The following SNU13 variants were observed in gnomAD, a reference collection of about 807,000 sequenced individuals.
SNU13 encodes NHP2-like protein 1.
In SNU13, 2 loss-of-function variants were observed where a neutral mutation model predicts 12.4. The observed-to-expected ratio is 0.16, with a 90% CI of 0.07 to 0.51. The LOEUF is 0.51. Ranked by LOEUF, SNU13 falls within the 20% of genes least tolerant of loss-of-function variation. The probability of loss-of-function intolerance (pLI) is 0.96; values close to 1 mark genes in which losing one functional copy is unlikely to be tolerated. For synonymous variants in SNU13, 68 were observed against 66.5 expected (o/e 1.02, Z -0.11); for missense variants, 66 against 157.8 (o/e 0.42, Z 3.12).
In SNU13 at chr22:41,688,817, A is replaced by AGCACTCCTAGGG. The variant is rs748215313; in HGVS notation, c.-33_-22dup. 1.9e-6 allele frequency: 3 copies of AGCACTCCTAGGG among 1,599,600 alleles called. No homozygotes were observed. In the South Asian group the frequency reaches 3.3e-5, roughly 18 times the overall value. On this transcript the variant is annotated 5_prime_UTR_variant, in exon 1 of 3. Coordinates refer to ENST00000401959, the MANE Select transcript of SNU13 (RefSeq NM_001003796.2). ...ACCATGGCTGCGGTTCCGCGGGCTC[A>AGCACTCCTAGGG]GCACTCCTAGGGGAGCGCAGCTGAC...
chr22:41,687,777 A>AC (rs1395460169), intron 1 of SNU13: 1 of 152,212 alleles, frequency 6.6e-6, no homozygotes, highest in Non-Finnish European at 1.5e-5. Flanking sequence ...TTTGATCCTC[A>AC]CAACACCCTC....
intron 1 of SNU13, among the ~76,000 whole-genome samples, chr22:41,683,570 T>G (rs1386473559): frequency 6.6e-6 from 1 of 152,190 alleles, no homozygotes; most frequent in Non-Finnish European, 1.5e-5. Context: ...CTTTCACTAT[T>G]ATGTAAATGC....
At chr22:41,678,361 G>A (rs1461210878) in intron 2 of SNU13, among the ~76,000 whole-genome samples, 1 of 152,140 alleles carries the variant, frequency 6.6e-6, no homozygotes, top group Admixed American at 6.6e-5. Context: ...ACTTCATTTT[G>A]TTCACCAGTG....
chr22:41,682,374 A>G (rs771119070), intron 1 of SNU13: 1 of 1,614,052 alleles, frequency 6.2e-7, no homozygotes, highest in Non-Finnish European at 8.5e-7. Context: ...CTGTCTTGGT[A>G]GTCTCTTGCC....
rs2068202890 is a variant in SNU13 at position 41,675,345 on chromosome 22, C to T, written c.125-150G>A. On this transcript the variant is annotated intron_variant, in intron 2 of 2. Coordinates refer to ENST00000401959, the MANE Select transcript of SNU13 (RefSeq NM_001003796.2). ...AGGATTCAAACACCAGTCAGTCATA[C>T]ACAATGGCATTTTCTCAAGCCCTAC... The T allele has an allele frequency of 3.2e-6, 3 of 950,846 alleles. No individual in the cohort carries two copies. The South Asian group carries it at 4.8e-5, about 15-fold the overall frequency. The allele number at this position is 950,846 out of a possible 1,614,324, so 58.9% of individuals were successfully genotyped here.
intron 2 of SNU13, among the ~76,000 whole-genome samples, chr22:41,676,261 C>T (rs937530315): frequency 1.3e-5 from 2 of 152,136 alleles, no homozygotes; most frequent in African/African-American, 4.8e-5. Context: ...AAGTTCAACA[C>T]CCCACAGCAC....
intron 2 of SNU13, among the ~76,000 whole-genome samples, chr22:41,675,845 G>A (rs11912720): frequency 0.072 from 10,871 of 150,354 alleles, 1,278 homozygotes; most frequent in African/African-American, 0.25. Context: ...CTGCCTCCCA[G>A]GTTCAAGTGA....
At position 41,674,858 on chromosome 22, in the gene SNU13, C is replaced by T; in HGVS notation, c.*75G>A. On this transcript the variant is annotated 3_prime_UTR_variant, in exon 3 of 3. Coordinates refer to ENST00000401959, the MANE Select transcript of SNU13 (RefSeq NM_001003796.2). ...CAATAGAGAGTAGCTGAAAATACTA[C>T]ATGCTAACACAGATAATATGATACA... 1 of 1,531,092 alleles carries T rather than the reference C, an allele frequency of 6.5e-7. No homozygotes were observed. The highest frequency in any genetic ancestry group is 8.8e-7 in the Non-Finnish European group (1 of 1,131,030). The allele number at this position is 1,531,092 out of a possible 1,614,324, so 94.8% of individuals were successfully genotyped here.
upstream of SNU13, chr22:41,690,430 C>T (rs1276624398): frequency 4.2e-6 from 3 of 719,822 alleles, no homozygotes; most frequent in Admixed American, 2.0e-5. Context: ...CAATACTGTC[C>T]TTACCTGCAC....
upstream of SNU13, chr22:41,688,920 G>C: frequency 6.9e-7 from 1 of 1,456,448 alleles, no homozygotes; most frequent in Non-Finnish European, 9.1e-7. Flanking sequence ...AGGAAGCGAA[G>C]GTGACGCTAC....
In SNU13 at chr22:41,674,661, A is replaced by G; in HGVS notation, c.*272T>C. On this transcript the variant is annotated 3_prime_UTR_variant, in exon 3 of 3. Transcript: ENST00000401959. ...TTCTCCTGGCTCTTTCTGCCTTTCA[A>G]CGGTGCCACCACCCTGCTTCTGTCT... The G allele has an allele frequency of 2.5e-6, 1 of 402,024 alleles. No homozygotes were observed. The highest frequency in any genetic ancestry group is 4.5e-6 in the Non-Finnish European group (1 of 220,294). The allele number at this position is 402,024 out of a possible 1,614,324, so 24.9% of individuals were successfully genotyped here.
At chr22:41,686,304 CTT>C (rs747241334) in intron 1 of SNU13, among the ~76,000 whole-genome samples, 30 of 138,440 alleles carry the variant, frequency 2.2e-4, no homozygotes, top group Admixed American at 5.1e-4. Flanking sequence ...ATTCTTTTAT[CTT>C]TTTTTTTTTT....
intron 2 of SNU13, among the ~76,000 whole-genome samples, chr22:41,677,554 A>G (rs994132782): frequency 1.3e-5 from 2 of 152,082 alleles, no homozygotes; most frequent in African/African-American, 2.4e-5. Flanking sequence ...TAATAATAAT[A>G]ATACCTGACA....
chr22:41,688,980 C>T (rs753795767), upstream of SNU13: 1 of 1,334,698 alleles, frequency 7.5e-7, no homozygotes, highest in Non-Finnish European at 9.7e-7. Flanking sequence ...CGGAAACTGG[C>T]CCTGTGTCGA....
chr22:41,674,797 A>G lies in SNU13; in HGVS notation c.*136T>C. The G allele has an allele frequency of 7.9e-7, 1 of 1,272,712 alleles. No individual in the cohort carries two copies. Among genetic ancestry groups the G allele is most frequent in the Non-Finnish European group, 1.1e-6 (1 of 931,254 alleles). The allele number at this position is 1,272,712 out of a possible 1,614,324, so 78.8% of individuals were successfully genotyped here. A position where few individuals can be genotyped will look rare whatever the true frequency, so the allele number is the denominator to read the frequency against. ...GTAAAACAGAACAAAAACAACACAA[A>G]AATCCAGAAACCAGATTTAGTACTA... On this transcript the variant is annotated 3_prime_UTR_variant, in exon 3 of 3. Coordinates refer to ENST00000401959, the MANE Select transcript of SNU13 (RefSeq NM_001003796.2).
intron 2 of SNU13, among the ~76,000 whole-genome samples, chr22:41,677,290 T>C (rs1355951016): frequency 6.6e-6 from 1 of 152,168 alleles, no homozygotes; most frequent in Non-Finnish European, 1.5e-5. Context: ...ACTGGGAGGC[T>C]GAGGCAGGTA....
rs560383759 is a variant in SNU13 at position 41,686,966 on chromosome 22, A to T, written c.3+1828T>A. 2.7e-5 allele frequency among the ~76,000 whole-genome samples: 4 copies of T among 145,590 alleles called. No individual in the cohort carries two copies. The South Asian group carries it at 6.6e-4, about 24-fold the overall frequency. Reference sequence around the variant, plus strand: ...AATTTATCACAAGTTTTATTTATTTATTTTTTTGAGACGGAGTCTCAAACT... The same window carrying T: ...AATTTATCACAAGTTTTATTTATTTTTTTTTTTGAGACGGAGTCTCAAACT... On this transcript the variant is annotated intron_variant, in intron 1 of 2. Transcript: ENST00000401959.
upstream of SNU13, chr22:41,690,446 G>A (rs567425362): frequency 1.9e-5 from 14 of 721,608 alleles, no homozygotes; most frequent in Middle Eastern, 2.3e-4. Flanking sequence ...TGCACCAAGA[G>A]CATGCTAACC....
At position 41,682,376 on chromosome 22, in the gene SNU13, T is replaced by A. The variant is rs376085973; in HGVS notation, c.4-2012A>T. On this transcript the variant is annotated intron_variant, in intron 1 of 2. Transcript: ENST00000401959. ...CTCACCATAGCGTCTGTCTTGGTAG[T>A]CTCTTGCCGGACACCGCGAGGATAC... is the stretch of plus-strand genomic sequence containing the variant. The A allele has an allele frequency of 6.8e-6, 11 of 1,614,022 alleles. No homozygotes were observed. In the African/African-American group the frequency reaches 1.1e-4, roughly 16 times the overall value.
Sources: allele counts gnomAD v4.1 joint callset (sites outside exome capture counted in the v4.1 genomes callset), GRCh38; gene constraint gnomAD v4.1.1; transcripts MANE v1.5; gene names NCBI Gene and HGNC (gene_info 2026-07-23, HGNC 2026-07-21).